Variants in PDIA5 observed in about 807,000 individuals in gnomAD.
PDIA5 encodes the protein protein disulfide isomerase family A member 5, also known as protein disulfide-isomerase A5.
A neutral mutation model predicts 77.6 loss-of-function variants in PDIA5; 58 were observed. The observed-to-expected ratio is 0.75, with a 90% CI of 0.61 to 0.93. PDIA5 has a LOEUF of 0.93. PDIA5 is among the 40% of genes least tolerant of loss of function. The pLI is 0.00. For synonymous variants in PDIA5, 250 were observed against 252.1 expected (o/e 0.99, Z 0.08); for missense variants, 630 against 647.7 (o/e 0.97, Z 0.30).
At chr3:123,136,725 C>CAAA (rs59022235) in intron 11 of PDIA5, among the ~76,000 whole-genome samples, 89 of 71,500 alleles carry the variant, frequency 1.2e-3, no homozygotes, top group East Asian at 2.4e-3. Flanking sequence ...GGTGACAAGA[C>CAAA]AAAAAAAAAA....
chr3:123,153,247 G>A (rs963717372), intron 14 of PDIA5, among the ~76,000 whole-genome samples: 1 of 152,168 alleles, frequency 6.6e-6, no homozygotes, highest in Non-Finnish European at 1.5e-5. Context: ...AAAATTAATA[G>A]TGAAACCAGG....
At chr3:123,124,489 T>G in intron 10 of PDIA5, 146 bp downstream of exon 10, 1 of 712,744 alleles carries the variant, frequency 1.4e-6, no homozygotes, top group Non-Finnish European at 2.5e-6. Context: ...GTCTCTGGCT[T>G]GAGTCTAGGC....
At chr3:123,072,621 G>A (rs887710244) in intron 1 of PDIA5, among the ~76,000 whole-genome samples, 2 of 152,192 alleles carry the variant, frequency 1.3e-5, no homozygotes, top group East Asian at 3.9e-4. Context: ...AGGTAGGGGG[G>A]GTGGTGCAGA....
chr3:123,158,225 C>T (rs886962165), intron 15 of PDIA5, among the ~76,000 whole-genome samples: 3 of 152,236 alleles, frequency 2.0e-5, no homozygotes, highest in African/African-American at 4.8e-5. Flanking sequence ...GCATTTCTTA[C>T]ATCATGTTGT....
chr3:123,110,105 A>G (rs1576447014), intron 6 of PDIA5, among the ~76,000 whole-genome samples: 1 of 152,338 alleles, frequency 6.6e-6, no homozygotes, highest in East Asian at 1.9e-4. Context: ...GCTTCACTGC[A>G]GTCCTTGATA....
intron 8 of PDIA5, among the ~76,000 whole-genome samples, chr3:123,117,153 T>C (rs13314114): frequency 0.48 from 73,076 of 151,298 alleles, 19,583 homozygotes; most frequent in Non-Finnish European, 0.59. Context: ...CTATTATTTT[T>C]TCAATGTGGT....
In PDIA5 at chr3:123,130,611, C is replaced by A. The variant is rs1935350373; in HGVS notation, c.905C>A (p.Ala302Asp). Residue 302 changes from alanine to aspartate, a missense_variant, in exon 11 of 17, where the codon GCC becomes GAC. Physicochemically the swap from Ala to Asp is moderately radical, Grantham distance 126. Coordinates refer to ENST00000316218, the MANE Select transcript of PDIA5 (RefSeq NM_006810.4). ...TCCTCTGTCCTCGTCATGTTCCACG[C>A]CCCATGTGAGTGGAACTTTGCTCCT... is the stretch of plus-strand genomic sequence containing the variant. Reference protein sequence around the residue: ...EHSSVLVMFHAPWCGHCKKMK... With the variant: ...EHSSVLVMFHDPWCGHCKKMK... 4 of 1,614,022 alleles carry A rather than the reference C, an allele frequency of 2.5e-6. 1 individual carries two copies. In the East Asian group the frequency reaches 8.9e-5, roughly 36 times the overall value.
At chr3:123,124,428 G>A in intron 10 of PDIA5, 85 bp downstream of exon 10, 2 of 933,558 alleles carry the variant, frequency 2.1e-6, no homozygotes, top group Non-Finnish European at 3.6e-6. Flanking sequence ...GCTCTGGCTG[G>A]AGGTTGGGGG....
chr3:123,161,589 C>T lies in PDIA5; in HGVS notation c.1479+134C>T. 4 of 1,001,800 alleles carry T rather than the reference C, an allele frequency of 4.0e-6. No individual in the cohort carries two copies. The East Asian group carries it at 9.7e-5, about 24-fold the overall frequency. 62.1% of individuals were successfully genotyped at this position (1,001,800 alleles called of 1,614,324 possible). ...AGCTGGAACACTGCACCGAGAGGCC[C>T]AGGCCCTGGGCCTGGCTGAGGCTTG... On this transcript the variant is annotated intron_variant, in intron 16 of 16. Transcript: ENST00000316218.
rs562051518 is a variant in PDIA5, at chr3:123,070,781, G to A, written c.42+3575G>A. On this transcript the variant is annotated intron_variant, in intron 1 of 16. Transcript: ENST00000316218. The stretch of plus-strand genomic sequence containing the variant: ...GGCCGTCCATGCTGATTGTCCTGTT[G>A]GCTCCATCCAGCCTGTAGGATGGAG... Among the ~76,000 whole-genome samples, 4 of 152,248 alleles carry A rather than the reference G, an allele frequency of 2.6e-5. No homozygotes were observed. The East Asian group carries it at 7.7e-4, about 29-fold the overall frequency.
At chr3:123,106,484 T>C (rs1934736408) in intron 5 of PDIA5, among the ~76,000 whole-genome samples, 2 of 152,232 alleles carry the variant, frequency 1.3e-5, no homozygotes, top group Non-Finnish European at 2.9e-5. Flanking sequence ...ATAGTAGGCA[T>C]GGACTACCTG....
intron 11 of PDIA5, among the ~76,000 whole-genome samples, chr3:123,142,068 G>A (rs758382390): frequency 1.3e-5 from 2 of 152,204 alleles, no homozygotes; most frequent in African/African-American, 2.4e-5. Flanking sequence ...AGAGGCTTTT[G>A]TGACAATCTC....
intron 1 of PDIA5, among the ~76,000 whole-genome samples, chr3:123,075,838 C>T (rs905004608): frequency 2.2e-5 from 3 of 133,704 alleles, no homozygotes; most frequent in Non-Finnish European, 5.3e-5. Context: ...CCGAGCTCTG[C>T]GGTAAAGCTA....
intron 11 of PDIA5, among the ~76,000 whole-genome samples, chr3:123,131,571 G>A (rs1408751876): frequency 6.7e-6 from 1 of 149,896 alleles, no homozygotes; most frequent in Non-Finnish European, 1.5e-5. Context: ...GGCATGGGGA[G>A]GCCAGGCTGG....
At chr3:123,151,875 GCCTTCCTGCCTGCCTT>G (rs1560562123) in intron 14 of PDIA5, among the ~76,000 whole-genome samples, 6 of 90,994 alleles carry the variant, frequency 6.6e-5, no homozygotes, top group South Asian at 3.7e-4. Flanking sequence ...CTTCCTGCCC[GCCTTCCTGCCTGCCTT>G]CCTTCCTGCC....
rs1424433850 is a variant in PDIA5, at chr3:123,145,563, G to A, written c.952G>A (p.Ala318Thr). The A allele has an allele frequency of 1.2e-6, 2 of 1,613,836 alleles. No individual in the cohort carries two copies. Among genetic ancestry groups the A allele is most frequent in the Admixed American group, 1.7e-5 (1 of 60,004 alleles). Reference sequence around the variant, plus strand: ...GAAAATGAAGCCGGAGTTTGAGAAGGCAGCAGAAGCCCTCCATGGAGAAGC... The same window carrying A: ...GAAAATGAAGCCGGAGTTTGAGAAGACAGCAGAAGCCCTCCATGGAGAAGC... The part of the protein sequence containing the change: ...CKKMKPEFEK[A>T]AEALHGEADS... Residue 318 changes from alanine to threonine, a missense_variant, in exon 12 of 17, where the codon GCA becomes ACA. Physicochemically the swap from Ala to Thr is moderately conservative, Grantham distance 58. Transcript: ENST00000316218.
chr3:123,088,096 CG>C (rs1934187692), intron 1 of PDIA5, among the ~76,000 whole-genome samples: 1 of 152,160 alleles, frequency 6.6e-6, no homozygotes, highest in Non-Finnish European at 1.5e-5. Flanking sequence ...CACCCTCTGC[CG>C]GGTTATCTCC....
intron 7 of PDIA5, among the ~76,000 whole-genome samples, chr3:123,112,840 G>A (rs974481031): frequency 3.3e-5 from 5 of 152,030 alleles, no homozygotes; most frequent in Non-Finnish European, 7.4e-5. Context: ...AATTACAGGT[G>A]TGAACCACCG....
intron 5 of PDIA5, among the ~76,000 whole-genome samples, chr3:123,106,171 G>A (rs772501223): frequency 1.3e-4 from 20 of 152,212 alleles, no homozygotes; most frequent in Non-Finnish European, 2.8e-4. Context: ...GGGCTTCCCA[G>A]CCTGGACCTC....
Sources: allele counts gnomAD v4.1 joint callset (sites outside exome capture counted in the v4.1 genomes callset), GRCh38; gene constraint gnomAD v4.1.1; transcripts MANE v1.5; gene names NCBI Gene and HGNC (gene_info 2026-07-23, HGNC 2026-07-21).